PNLIPRP1: variants seen among roughly 807,000 people sequenced by gnomAD.
PNLIPRP1 encodes pancreatic lipase related protein 1.
PNLIPRP1 carries 57 observed loss-of-function variants against 54.6 expected under a neutral mutation model. The ratio of observed to expected loss-of-function variants is 1.04; its 90% CI spans 0.84 to 1.30. The LOEUF is 1.30. Ranked by LOEUF, PNLIPRP1 falls within the 50% of genes most tolerant of loss-of-function variation. The probability of loss-of-function intolerance (pLI) is 0.00; values close to 1 mark genes in which losing one functional copy is unlikely to be tolerated. For missense variants in PNLIPRP1, 567 were observed against 568.5 expected (o/e 1.00, Z 0.03); for synonymous variants, 232 against 208.8 (o/e 1.11, Z -0.96).
intron 11 of PNLIPRP1, among the ~76,000 whole-genome samples, chr10:116,604,419 G>A (rs1847901283): frequency 6.6e-6 from 1 of 152,182 alleles, no homozygotes; most frequent in South Asian, 2.1e-4. Context: ...ACAGTAACAT[G>A]TAGTACAGGT....
In PNLIPRP1 at chr10:116,592,463, A is replaced by G. The variant is rs1554863356; in HGVS notation, c.252A>G (p.Gln84=). The G allele has an allele frequency of 1.9e-6, 3 of 1,613,586 alleles. No homozygotes were observed. Among genetic ancestry groups the G allele is most frequent in the Non-Finnish European group, 2.5e-6 (3 of 1,179,682 alleles). The change falls in exon 4 of 13, where the codon CAA becomes CAG. Residue 84 remains glutamine (Q), a synonymous_variant. Transcript: ENST00000358834. ...CAACAATTGAGGCATCAAATTTTCAAATGGACAGAAAGACCCGGTTCATCA... is the reference window on the plus strand; with the variant it reads ...CAACAATTGAGGCATCAAATTTTCAGATGGACAGAAAGACCCGGTTCATCA... ...DPSTIEASNF[Q]MDRKTRFIIH...
intron 12 of PNLIPRP1, 89 bp downstream of exon 12, chr10:116,605,642 A>G (rs1847924797): frequency 2.1e-6 from 2 of 969,610 alleles, no homozygotes; most frequent in Non-Finnish European, 3.0e-6. Context: ...CGTGTAGTTA[A>G]GCAAGAAAAG....
rs1847805802 is a variant in PNLIPRP1 at position 116,600,041 on chromosome 10, T to G, written c.815-6T>G. On this transcript the variant is annotated splice_polypyrimidine_tract_variant and splice_region_variant and intron_variant, in intron 8 of 12. Coordinates refer to ENST00000358834, the MANE Select transcript of PNLIPRP1 (RefSeq NM_006229.4). The stretch of plus-strand genomic sequence containing the variant: ...CCTGTTCAGGTCTCCTTATTTGTTT[T>G]CCCAGGAACCCGGGACTTTGTGGCT... 2 of 1,607,692 alleles carry G rather than the reference T, an allele frequency of 1.2e-6. No individual in the cohort carries two copies. Among genetic ancestry groups the G allele is most frequent in the Non-Finnish European group, 1.7e-6 (2 of 1,174,340 alleles).
chr10:116,597,763 C>T (rs898675297), intron 6 of PNLIPRP1, 65 bp from the exon 7 acceptor site: 4 of 1,601,786 alleles, frequency 2.5e-6, no homozygotes, highest in Non-Finnish European at 8.5e-7. Context: ...GGCAGCTGTA[C>T]ACCTTGGTGC....
intron 5 of PNLIPRP1, chr10:116,595,920 G>A: frequency 3.7e-6 from 1 of 267,454 alleles, no homozygotes; most frequent in Non-Finnish European, 7.2e-6. Context: ...ATGTTAGCTG[G>A]CAAGTGCTTG....
In PNLIPRP1 at chr10:116,592,434, C is replaced by A. The variant is rs782725624; in HGVS notation, c.223C>A (p.Pro75Thr). 6.2e-7 allele frequency: 1 copy of A among 1,610,270 alleles called. No individual in the cohort carries two copies. Among genetic ancestry groups the A allele is most frequent in the Non-Finnish European group, 8.5e-7 (1 of 1,177,188 alleles). ...NNFQILLLSD[P>T]STIEASNFQM... is the part of the protein sequence containing the mutation. ...GTCACAGATTCTCCTCCTCTCTGAT[C>A]CATCAACAATTGAGGCATCAAATTT... Residue 75 changes from proline (P) to threonine (T), a missense_variant, in exon 4 of 13, where the codon CCA becomes ACA. Transcript: ENST00000358834.
rs1847628197 is a variant in PNLIPRP1, at chr10:116,591,134, T to C, written c.5T>C (p.Leu2Pro). The C allele has an allele frequency of 6.2e-7, 1 of 1,613,230 alleles. No homozygotes were observed. The highest frequency in any genetic ancestry group is 8.5e-7 in the Non-Finnish European group (1 of 1,179,620). Residue 2 changes from leucine (L) to proline (P), a missense_variant, in exon 2 of 13, where the codon CTG (leucine) becomes CCG (proline). Coordinates refer to ENST00000358834, the MANE Select transcript of PNLIPRP1 (RefSeq NM_006229.4). M[L>P]IFWTITLFLL... ...TTATGTTTAAATTTATTGTAGATGC[T>C]GATCTTCTGGACAATCACACTTTTC...
intron 4 of PNLIPRP1, chr10:116,594,276 G>A (rs782125847): frequency 3.8e-5 from 19 of 493,880 alleles, no homozygotes; most frequent in Admixed American, 3.1e-4. Context: ...CTGTGTCATC[G>A]TGACTATAAA....
At chr10:116,594,323 G>T in intron 4 of PNLIPRP1, 1 of 516,410 alleles carries the variant, frequency 1.9e-6, no homozygotes. Context: ...CAGCAGCCTG[G>T]GGCATCGCCA....
intron 8 of PNLIPRP1, 45 bp downstream of exon 8, chr10:116,598,211 G>T: frequency 6.5e-7 from 1 of 1,548,914 alleles, no homozygotes; most frequent in Non-Finnish European, 8.7e-7. Flanking sequence ...GTACTTTCCT[G>T]GAGTGACCAA....
At position 116,609,172 on chromosome 10, in the gene PNLIPRP1, T is replaced by C; in HGVS notation, c.*56T>C. 7.8e-7 allele frequency: 1 copy of C among 1,286,744 alleles called. No homozygotes were observed. The highest frequency in any genetic ancestry group is 1.1e-6 in the Non-Finnish European group (1 of 912,462). 79.7% of individuals were successfully genotyped at this position (1,286,744 alleles called of 1,614,324 possible). On this transcript the variant is annotated 3_prime_UTR_variant, in exon 13 of 13. Transcript: ENST00000358834. Reference sequence around the variant, plus strand: ...CACTAATAAAATCCACTGGTGCATCTGTATGCTCTGGGTCTATCTCCTGCC... The same window carrying C: ...CACTAATAAAATCCACTGGTGCATCCGTATGCTCTGGGTCTATCTCCTGCC...
intron 2 of PNLIPRP1, 141 bp from the exon 3 acceptor site, chr10:116,591,630 A>G: frequency 2.5e-6 from 2 of 811,016 alleles, no homozygotes; most frequent in Non-Finnish European, 4.0e-6. Context: ...GGTCAAGAAG[A>G]GAGTGGGAGG....
chr10:116,602,329 AT>A (rs35072359), intron 10 of PNLIPRP1, among the ~76,000 whole-genome samples: 1 of 151,800 alleles, frequency 6.6e-6, no homozygotes, highest in African/African-American at 2.4e-5. Flanking sequence ...CACTCTGTGT[AT>A]TTTTTTTGTA....
intron 8 of PNLIPRP1, among the ~76,000 whole-genome samples, chr10:116,599,617 C>T (rs1205447785): frequency 6.6e-6 from 1 of 152,138 alleles, no homozygotes; most frequent in African/African-American, 2.4e-5. Flanking sequence ...TCTTTGAGGA[C>T]CTCCAGCATG....
intron 4 of PNLIPRP1, chr10:116,593,712 C>T (rs966769887): frequency 1.3e-5 from 2 of 152,318 alleles, no homozygotes; most frequent in Non-Finnish European, 2.9e-5. Context: ...AATCCCAGCA[C>T]TTTGAGAGGC....
rs1295688922 is a variant in PNLIPRP1, at chr10:116,605,242, C to T, written c.1173-144C>T. The T allele has an allele frequency of 7.9e-6, 4 of 505,448 alleles. No homozygotes were observed. The East Asian group carries it at 9.2e-5, about 12-fold the overall frequency. The allele number at this position is 505,448 out of a possible 1,614,324, so 31.3% of individuals were successfully genotyped here. A position where few individuals can be genotyped will look rare whatever the true frequency, so the allele number is the denominator to read the frequency against. ...GTTTGAGGTGCTAGCATATAGCTGG[C>T]TTTTCCATTTCTCCATCCTTTATTT... is the stretch of plus-strand genomic sequence containing the variant. On this transcript the variant is annotated intron_variant, in intron 11 of 12. Transcript: ENST00000358834.
At chr10:116,603,311 C>T (rs898164363) in intron 10 of PNLIPRP1, among the ~76,000 whole-genome samples, 1 of 152,176 alleles carries the variant, frequency 6.6e-6, no homozygotes, top group Admixed American at 6.5e-5. Flanking sequence ...CTCTCTTCAC[C>T]TTACCTTACT....
In PNLIPRP1 at chr10:116,594,877, G is replaced by T; in HGVS notation, c.465+13G>T. The stretch of plus-strand genomic sequence containing the variant: ...CGACATCCTCTTGGTGAGTCAGCTG[G>T]CTGGCCTATGTGAGGAGGGAAGCAG... On this transcript the variant is annotated intron_variant, in intron 5 of 12. Coordinates refer to ENST00000358834, the MANE Select transcript of PNLIPRP1 (RefSeq NM_006229.4). 6.2e-7 allele frequency: 1 copy of T among 1,613,488 alleles called. No individual in the cohort carries two copies. Among genetic ancestry groups the T allele is most frequent in the Non-Finnish European group, 8.5e-7 (1 of 1,179,896 alleles).
intron 12 of PNLIPRP1, among the ~76,000 whole-genome samples, chr10:116,606,043 C>T (rs1261222483): frequency 6.6e-6 from 1 of 152,198 alleles, no homozygotes; most frequent in Non-Finnish European, 1.5e-5. Context: ...TGAATAAGCA[C>T]AGGGCCGTGG....
Sources: allele counts gnomAD v4.1 joint callset (sites outside exome capture counted in the v4.1 genomes callset), GRCh38; gene constraint gnomAD v4.1.1; transcripts MANE v1.5; gene names NCBI Gene and HGNC (gene_info 2026-07-23, HGNC 2026-07-21).